The following WDR11 variants were observed in gnomAD, a reference collection of about 807,000 sequenced individuals.
WDR11 encodes the protein WD repeat domain 11, also known as WD repeat-containing protein 11.
In WDR11, 83 loss-of-function variants were observed where a neutral mutation model predicts 151.2. That is an observed-to-expected ratio of 0.55 (90% CI 0.46 to 0.66). The LOEUF (loss-of-function observed/expected upper bound fraction) is 0.66, where lower values mean the gene tolerates loss of function less well. Among genes scored for constraint, WDR11 ranks in the 30% least tolerant of loss-of-function variants. The pLI, the probability that WDR11 is intolerant of heterozygous loss-of-function variation, is 0.00. For synonymous variants in WDR11, 484 were observed against 533.1 expected (o/e 0.91, Z 1.27); for missense variants, 1,301 against 1,480.9 (o/e 0.88, Z 1.99).
rs11199623 is a variant in WDR11 at position 120,881,153 on chromosome 10, T to C, written c.1739+252T>C. On this transcript the variant is annotated intron_variant, in intron 13 of 28. Coordinates refer to ENST00000263461, the MANE Select transcript of WDR11 (RefSeq NM_018117.12). ...TATTTACTTTCGGATAAAGTTCTTA[T>C]GTACTTCTATCTAAGCATGGAGTTA... 0.013 allele frequency among the ~76,000 whole-genome samples: 1,997 copies of C among 152,344 alleles called. 17 individuals are homozygous for C. Among genetic ancestry groups the C allele is most frequent in the Non-Finnish European group, 0.018 (1,256 of 68,028 alleles).
chr10:120,878,490 C>T (rs2133771309), intron 12 of WDR11, 31 bp downstream of exon 12: 3 of 1,537,160 alleles, frequency 2.0e-6, no homozygotes, highest in Non-Finnish European at 2.7e-6. Context: ...ATAGGTTTGT[C>T]ATATTGAATA....
At position 120,874,176 on chromosome 10, in the gene WDR11, G is replaced by GTTTTTTTTTTTTT. The variant is rs66873217; in HGVS notation, c.1556+257_1556+269dup. On this transcript the variant is annotated intron_variant, in intron 11 of 28. Transcript: ENST00000263461. ...TGCAAAAGTAATTGCGGTTTTTGCA[G>GTTTTTTTTTTTTT]TTTTTTTTTTTTTTTTGTTGTTGTT... 1.0e-3 allele frequency among the ~76,000 whole-genome samples: 87 copies of GTTTTTTTTTTTTT among 83,412 alleles called. 4 individuals carry two copies. The highest frequency in any genetic ancestry group is 1.6e-3 in the Admixed American group (11 of 6,684). The allele number at this position is 83,412 out of a possible 152,430, so 54.7% of individuals were successfully genotyped here. A position where few individuals can be genotyped will look rare whatever the true frequency, so the allele number is the denominator to read the frequency against.
At position 120,865,700 on chromosome 10, in the gene WDR11, G is replaced by A. The variant is rs750168294; in HGVS notation, c.950G>A (p.Arg317Gln). ...HENGCITLRV[R>Q]RSYNNIFTTS... ...AATGGTTGTATAACTTTACGTGTTC[G>A]AAGATCTTATAATAACATTTTTACC... Residue 317 changes from arginine (R) to glutamine (Q), a missense_variant, in exon 7 of 29, where the codon CGA becomes CAA. Physicochemically the swap from Arg to Gln is conservative, Grantham distance 43. Coordinates refer to ENST00000263461, the MANE Select transcript of WDR11 (RefSeq NM_018117.12). The A allele has an allele frequency of 5.0e-6, 8 of 1,610,616 alleles. No homozygotes were observed. Among genetic ancestry groups the A allele is most frequent in the South Asian group, 3.3e-5 (3 of 90,812 alleles).
chr10:120,892,748 A>C (rs139244227), intron 19 of WDR11, among the ~76,000 whole-genome samples: 1 of 152,328 alleles, frequency 6.6e-6, no homozygotes, highest in African/African-American at 2.4e-5. Context: ...CCTCCAATAA[A>C]GAGGGGGCAG....
intron 12 of WDR11, chr10:120,879,184 G>A (rs1375421931): frequency 6.6e-6 from 1 of 152,184 alleles, no homozygotes; most frequent in Non-Finnish European, 1.5e-5. Context: ...GTATGTATGT[G>A]TAAAATGAAT....
rs182157594 is a variant in WDR11, at chr10:120,903,914, T to A, written c.2932-133T>A. 3.0e-5 allele frequency: 19 copies of A among 637,814 alleles called. No individual in the cohort carries two copies. The East Asian group carries it at 5.3e-4, about 18-fold the overall frequency. The allele number at this position is 637,814 out of a possible 1,614,324, so 39.5% of individuals were successfully genotyped here. A position where few individuals can be genotyped will look rare whatever the true frequency, so the allele number is the denominator to read the frequency against. On this transcript the variant is annotated intron_variant, in intron 23 of 28. Coordinates refer to ENST00000263461, the MANE Select transcript of WDR11 (RefSeq NM_018117.12). ...AATTCTTATTAAATGTTTGGGGTGC[T>A]GTAAAGTTGATTATCTAGTAACCTG...
At chr10:120,891,623 T>C (rs946324596) in intron 19 of WDR11, among the ~76,000 whole-genome samples, 2 of 152,198 alleles carry the variant, frequency 1.3e-5, no homozygotes, top group Non-Finnish European at 2.9e-5. Context: ...AGCAAAACTT[T>C]GGTGCACACT....
chr10:120,885,077 T>A (rs1186491003), intron 14 of WDR11: 1 of 152,252 alleles, frequency 6.6e-6, no homozygotes, highest in Non-Finnish European at 1.5e-5. Flanking sequence ...GAGCTCTTGG[T>A]CGTAAATGAA....
At chr10:120,865,896 T>C (rs1441183368) in intron 7 of WDR11, 152 bp downstream of exon 7, 3 of 621,084 alleles carry the variant, frequency 4.8e-6, no homozygotes, top group African/African-American at 1.8e-5. Context: ...ATAAAAAGTA[T>C]AAGCCCAAGA....
chr10:120,908,215 A>G, intron 28 of WDR11: 1 of 325,280 alleles, frequency 3.1e-6, no homozygotes, highest in Non-Finnish European at 6.0e-6. Flanking sequence ...GAATGAGGAT[A>G]TGCAGGTTAA....
chr10:120,894,730 C>A (rs1350584603), intron 19 of WDR11, among the ~76,000 whole-genome samples: 1 of 152,170 alleles, frequency 6.6e-6, no homozygotes, highest in Non-Finnish European at 1.5e-5. Context: ...TCATACCTCA[C>A]ATAACTTTAG....
At chr10:120,871,005 C>A (rs1021460595) in intron 9 of WDR11, among the ~76,000 whole-genome samples, 165 bp from the exon 10 acceptor site, 2 of 152,158 alleles carry the variant, frequency 1.3e-5, no homozygotes, top group African/African-American at 4.8e-5. Context: ...GTCCTATAGC[C>A]AGGTACAGAG....
chr10:120,851,457 C>T lies in WDR11; in HGVS notation c.37C>T (p.Arg13Cys), dbSNP rs774819708. The change falls in exon 1 of 29, where the codon CGC (arginine) becomes TGC (cysteine). Residue 13 changes from arginine to cysteine, a missense_variant. Transcript: ENST00000263461. ...PYTVNFKVSA[R>C]TLTGALNAHN... ...CACAGTGAACTTCAAGGTGTCGGCG[C>T]GCACCCTCACGGGGGCCCTCAACGC... The T allele has an allele frequency of 1.9e-6, 3 of 1,612,118 alleles. No individual in the cohort carries two copies. Among genetic ancestry groups the T allele is most frequent in the South Asian group, 1.1e-5 (1 of 90,628 alleles).
intron 21 of WDR11, 90 bp downstream of exon 21, chr10:120,901,188 A>G: frequency 8.4e-7 from 1 of 1,193,940 alleles, no homozygotes; most frequent in Non-Finnish European, 1.2e-6. Context: ...AAAATAAGTT[A>G]CGTTTTAGAA....
intron 24 of WDR11, among the ~76,000 whole-genome samples, chr10:120,904,398 T>C (rs1362171346): frequency 6.6e-6 from 1 of 151,646 alleles, no homozygotes; most frequent in African/African-American, 2.4e-5. Context: ...TGTTTTTGTG[T>C]CTGAATTGAC....
chr10:120,884,382 TC>T (rs952701494), intron 14 of WDR11, among the ~76,000 whole-genome samples: 48 of 152,198 alleles, frequency 3.2e-4, no homozygotes, highest in African/African-American at 1.1e-3. Flanking sequence ...GTAGCACAAA[TC>T]AAAGAGGATG....
At chr10:120,893,981 T>C (rs1204633030) in intron 19 of WDR11, among the ~76,000 whole-genome samples, 34 of 152,080 alleles carry the variant, frequency 2.2e-4, no homozygotes, top group Non-Finnish European at 4.6e-4. Context: ...TTCACTCTGA[T>C]GGTAGTTTCT....
chr10:120,906,524 C>T (rs1375061631), intron 27 of WDR11: 1 of 1,357,078 alleles, frequency 7.4e-7, no homozygotes, highest in Non-Finnish European at 9.5e-7. Flanking sequence ...CTTGTCATAT[C>T]TCTGTAGATT....
intron 19 of WDR11, among the ~76,000 whole-genome samples, chr10:120,896,253 C>T (rs890402678): frequency 1.3e-5 from 2 of 152,274 alleles, no homozygotes; most frequent in Non-Finnish European, 2.9e-5. Context: ...TAGGTTCATG[C>T]ACACGTTTGC....
Sources: allele counts gnomAD v4.1 joint callset (sites outside exome capture counted in the v4.1 genomes callset), GRCh38; gene constraint gnomAD v4.1.1; transcripts MANE v1.5; gene names NCBI Gene and HGNC (gene_info 2026-07-23, HGNC 2026-07-21).